The following SCUBE2 variants were observed in gnomAD, a reference collection of about 807,000 sequenced individuals.
The protein encoded by SCUBE2 is signal peptide, CUB and EGF-like domain-containing protein 2.
Under a neutral mutation model 125.9 loss-of-function variants are expected in SCUBE2, and 114 were observed. That is an observed-to-expected ratio of 0.91 (90% CI 0.78 to 1.06). The LOEUF (loss-of-function observed/expected upper bound fraction) is 1.06, where lower values mean the gene tolerates loss of function less well. Ranked by LOEUF, SCUBE2 falls within the 50% of genes least tolerant of loss-of-function variation. The pLI is 0.00. For missense variants in SCUBE2, 1,255 were observed against 1,301.8 expected, an observed-to-expected ratio of 0.96 and a Z score of 0.55; for synonymous variants, 459 against 492.9, an observed-to-expected ratio of 0.93 and a Z score of 0.91.
chr11:9,047,443 G>A lies in SCUBE2; in HGVS notation c.1915C>T (p.Leu639Phe). ...CTGGGAGGCTTTTTAGCCACGTCGA[G>A]GTTCATGCCTGAGAGCTGGAGGTGA... ...QFHLQLSGMN[L>F]DVAKKPPRTS... The change falls in exon 16 of 23, where the codon CTC (leucine) becomes TTC (phenylalanine). Residue 639 changes from leucine (L) to phenylalanine (F), a missense_variant. By Grantham distance (22) the Leu-to-Phe change is conservative (BLOSUM62 0). Coordinates refer to ENST00000649792, the MANE Select transcript of SCUBE2 (RefSeq NM_001367977.2). 1 of 1,614,126 alleles carries A rather than the reference G, an allele frequency of 6.2e-7. No homozygotes were observed. The highest frequency in any genetic ancestry group is 8.5e-7 in the Non-Finnish European group (1 of 1,180,030).
intron 3 of SCUBE2, 53 bp from the exon 4 acceptor site, chr11:9,074,668 C>A: frequency 6.2e-7 from 1 of 1,603,742 alleles, no homozygotes; most frequent in Non-Finnish European, 8.5e-7. Context: ...CAATGCCCCA[C>A]CTCACCCAGC....
chr11:9,074,097 C>T (rs1243082801), intron 4 of SCUBE2, among the ~76,000 whole-genome samples: 1 of 152,154 alleles, frequency 6.6e-6, no homozygotes, highest in African/African-American at 2.4e-5. Flanking sequence ...TCCTCCCTAC[C>T]CACCCAGAGC....
At chr11:9,076,595 G>T (rs577638390) in intron 3 of SCUBE2, among the ~76,000 whole-genome samples, 2 of 124,412 alleles carry the variant, frequency 1.6e-5, no homozygotes, top group African/African-American at 5.1e-5. Context: ...GACAACAAAG[G>T]CTCAAAGAGA....
chr11:9,090,522 G>A (rs1349589105), intron 1 of SCUBE2: 1 of 148,280 alleles, frequency 6.7e-6, no homozygotes, highest in African/African-American at 2.5e-5. Flanking sequence ...TGTCGTTTGT[G>A]TTGGTATATT....
At chr11:9,081,714 T>G (rs1564850727) in intron 2 of SCUBE2, among the ~76,000 whole-genome samples, 1 of 152,116 alleles carries the variant, frequency 6.6e-6, no homozygotes, top group Non-Finnish European at 1.5e-5. Context: ...ACATAACACA[T>G]GTTGCTTATC....
rs567780313 is a variant in SCUBE2 at position 9,028,423 on chromosome 11, C to T, written c.2504-862G>A. 1.1e-4 allele frequency among the ~76,000 whole-genome samples: 17 copies of T among 152,328 alleles called. No individual in the cohort carries two copies. The South Asian group carries it at 3.1e-3, about 28-fold the overall frequency. ...GGATACCTACGTCTGGCACCAAAGA[C>T]AGAGGCTGCACACATGTGCACATGC... On this transcript the variant is annotated intron_variant, in intron 19 of 22. Transcript: ENST00000649792.
intron 16 of SCUBE2, among the ~76,000 whole-genome samples, chr11:9,039,970 A>G (rs1857065575): frequency 6.6e-6 from 1 of 152,238 alleles, no homozygotes; most frequent in Admixed American, 6.5e-5. Flanking sequence ...ACCCGACTGA[A>G]GGGCGTAAAC....
rs372839594 is a variant in SCUBE2 at position 9,030,901 on chromosome 11, G to A, written c.2198C>T (p.Ser733Phe). ...CTGGCAAGGTGCAAAGCCATCTGCAGAATATTCACCAGGTTGACACAGACC... is the reference window on the plus strand; with the variant it reads ...CTGGCAAGGTGCAAAGCCATCTGCAAAATATTCACCAGGTTGACACAGACC... ...CGGLCQPGEY[S>F]ADGFAPCQLC... is the part of the protein sequence containing the mutation. Residue 733 changes from serine to phenylalanine, a missense_variant, in exon 18 of 23, where the codon TCT (serine) becomes TTT (phenylalanine). Ser to Phe is a radical substitution (Grantham distance 155). Around this residue, in one of 3 missense-constraint regions of SCUBE2, gnomAD observed 515 missense variants for 515.7 expected, o/e 1.00. Transcript: ENST00000649792. The A allele has an allele frequency of 7.4e-6, 12 of 1,613,928 alleles. No individual in the cohort carries two copies. The African/African-American group carries it at 1.5e-4, about 20-fold the overall frequency.
intron 19 of SCUBE2, among the ~76,000 whole-genome samples, chr11:9,029,525 C>A (rs1434047180): frequency 1.3e-5 from 2 of 152,238 alleles, no homozygotes; most frequent in African/African-American, 4.8e-5. Flanking sequence ...TTCAGCGATG[C>A]CGACTCATTC....
intron 3 of SCUBE2, among the ~76,000 whole-genome samples, chr11:9,078,467 A>G (rs1230573750): frequency 6.6e-6 from 1 of 152,174 alleles, no homozygotes; most frequent in East Asian, 1.9e-4. Flanking sequence ...AACACACAAC[A>G]CACAAGTTCT....
At chr11:9,060,339 C>T (rs1447046200) in intron 8 of SCUBE2, 69 bp downstream of exon 8, 8 of 1,204,534 alleles carry the variant, frequency 6.6e-6, no homozygotes, top group Non-Finnish European at 8.6e-6. Flanking sequence ...CCTTTATCCC[C>T]ATATGTTAGC....
Position 9,065,923 on chromosome 11 carries a change from C to G in SCUBE2, c.818G>C (p.Gly273Ala), listed in dbSNP as rs755606629. 3.1e-6 allele frequency: 5 copies of G among 1,614,164 alleles called. No individual in the cohort carries two copies. Among genetic ancestry groups the G allele is most frequent in the Non-Finnish European group, 4.2e-6 (5 of 1,180,012 alleles). Residue 273 changes from glycine (G) to alanine (A), a missense_variant, in exon 7 of 23, where the codon GGG (glycine) becomes GCG (alanine). By Grantham distance (60) the Gly-to-Ala change is moderately conservative. Transcript: ENST00000649792. The stretch of plus-strand genomic sequence containing the variant: ...CAGCCGCCGTTTCACCCGTTTATCC[C>G]CATCCACCACTGATGTGGTGTTGCT... ...TESNTTSVVD[G>A]DKRVKRRLLM...
chr11:9,054,089 C>T (rs1858742212), intron 10 of SCUBE2, among the ~76,000 whole-genome samples: 2 of 150,988 alleles, frequency 1.3e-5, no homozygotes, highest in African/African-American at 4.9e-5. Flanking sequence ...CTCCGTCTCC[C>T]AGCTTCAAGC....
chr11:9,046,650 C>T (rs914132604), intron 16 of SCUBE2, among the ~76,000 whole-genome samples: 3 of 152,192 alleles, frequency 2.0e-5, no homozygotes, highest in Non-Finnish European at 4.4e-5. Context: ...AGTACGGAAA[C>T]TGGAACTCTT....
intron 16 of SCUBE2, among the ~76,000 whole-genome samples, chr11:9,036,497 AG>A (rs1856764433): frequency 6.6e-6 from 1 of 152,216 alleles, no homozygotes; most frequent in Non-Finnish European, 1.5e-5. Flanking sequence ...GTCATGAAGC[AG>A]GTAAAACCAA....
intron 4 of SCUBE2, among the ~76,000 whole-genome samples, chr11:9,073,267 G>T (rs1860954296): frequency 6.6e-6 from 1 of 152,024 alleles, no homozygotes; most frequent in Non-Finnish European, 1.5e-5. Flanking sequence ...AAACCCAACT[G>T]CTACTTTATC....
At chr11:9,073,559 T>A (rs1039769714) in intron 4 of SCUBE2, among the ~76,000 whole-genome samples, 1 of 152,048 alleles carries the variant, frequency 6.6e-6, no homozygotes. Context: ...ATCTATAAAT[T>A]TGTGATTAAA....
chr11:9,059,041 C>A (rs184339562), intron 9 of SCUBE2, among the ~76,000 whole-genome samples: 19 of 152,350 alleles, frequency 1.2e-4, no homozygotes, highest in African/African-American at 4.6e-4. Context: ...CCATTTCTAG[C>A]AGTGAGCTCT....
At chr11:9,041,987 T>TG (rs1295795179) in intron 16 of SCUBE2, among the ~76,000 whole-genome samples, 1 of 152,142 alleles carries the variant, frequency 6.6e-6, no homozygotes. Flanking sequence ...AGGCATGGGC[T>TG]GCCCATCCAT....
Sources: gnomAD v4.1 joint callset for allele counts (sites outside exome capture counted in the v4.1 genomes callset) on GRCh38, gnomAD v4.1.1 for gene constraint, gnomAD v4.1.1 regional missense constraint, MANE v1.5 for transcripts, NCBI Gene and HGNC (gene_info 2026-07-23, HGNC 2026-07-21) for gene names.